FAR2: variants seen among roughly 807,000 people sequenced by gnomAD.
FAR2 encodes the protein epididymis secretory protein Li 81.
In FAR2, 19 loss-of-function variants were observed where a neutral mutation model predicts 56.0. The ratio of observed to expected loss-of-function variants is 0.34; its 90% confidence interval spans 0.24 to 0.50. The LOEUF (loss-of-function observed/expected upper bound fraction) is 0.50. Among genes scored for constraint, FAR2 ranks in the 20% least tolerant of loss-of-function variants. FAR2 has a pLI of 0.98. For synonymous variants in FAR2, 219 were observed against 218.8 expected (o/e 1.00, Z -0.01); for missense variants, 508 against 642.2 (o/e 0.79, Z 2.26).
chr12:29,177,487 T>A (rs2136593922), intron 1 of FAR2, among the ~76,000 whole-genome samples: 1 of 152,294 alleles, frequency 6.6e-6, no homozygotes, highest in South Asian at 2.1e-4. Flanking sequence ...GTGGCAGAAA[T>A]TTCAACTAAA....
intron 2 of FAR2, chr12:29,281,198 C>G (rs577536630): frequency 2.0e-5 from 3 of 152,148 alleles, no homozygotes; most frequent in Non-Finnish European, 2.9e-5. Context: ...TGTTCTATCT[C>G]TTGTCATTGT....
chr12:29,162,274 A>G (rs1031479536), intron 1 of FAR2, among the ~76,000 whole-genome samples: 2 of 152,252 alleles, frequency 1.3e-5, no homozygotes, highest in South Asian at 4.1e-4. Context: ...TGTGAGAAAT[A>G]AAATACATGT....
intron 1 of FAR2, among the ~76,000 whole-genome samples, chr12:29,169,583 G>A (rs1405929480): frequency 6.6e-6 from 1 of 152,164 alleles, no homozygotes; most frequent in Admixed American, 6.5e-5. Context: ...TAAATGCCGG[G>A]CAGCGTTTCC....
chr12:29,303,576 G>C (rs1052351719), intron 4 of FAR2, among the ~76,000 whole-genome samples: 1 of 152,158 alleles, frequency 6.6e-6, no homozygotes, highest in Non-Finnish European at 1.5e-5. Context: ...AGAGGCAGGG[G>C]AATGGAGGCC....
intron 1 of FAR2, among the ~76,000 whole-genome samples, chr12:29,221,350 G>A (rs1481596426): frequency 2.6e-5 from 4 of 152,070 alleles, no homozygotes; most frequent in Non-Finnish European, 5.9e-5. Context: ...GACATTCCTG[G>A]TCGGGGCGGG....
At chr12:29,186,849 C>T (rs563040681) in intron 1 of FAR2, among the ~76,000 whole-genome samples, 4 of 151,954 alleles carry the variant, frequency 2.6e-5, no homozygotes, top group Non-Finnish European at 4.4e-5. Flanking sequence ...AGTGCAGTGG[C>T]GCAATCTCGG....
chr12:29,237,131 G>C (rs1013671547), intron 1 of FAR2, among the ~76,000 whole-genome samples: 1 of 151,966 alleles, frequency 6.6e-6, no homozygotes, highest in African/African-American at 2.4e-5. Flanking sequence ...AAACTGAAAC[G>C]CATTGTTAGA....
chr12:29,202,028 AT>A (rs949094335), intron 1 of FAR2, among the ~76,000 whole-genome samples: 2 of 152,138 alleles, frequency 1.3e-5, no homozygotes, highest in African/African-American at 4.8e-5. Context: ...CACATAGAGG[AT>A]TTTTTTGTGT....
chr12:29,222,623 A>G (rs911753794), intron 1 of FAR2, among the ~76,000 whole-genome samples: 4 of 152,168 alleles, frequency 2.6e-5, no homozygotes, highest in African/African-American at 4.8e-5. Flanking sequence ...ATATCACTCT[A>G]GATATCAAGA....
Position 29,173,566 on chromosome 12 carries a change from C to T in FAR2, c.-39+24159C>T, listed in dbSNP as rs537054783. 9.2e-3 allele frequency among the ~76,000 whole-genome samples: 1,401 copies of T among 152,172 alleles called. 5 individuals carry two copies. Among genetic ancestry groups the T allele is most frequent in the Middle Eastern group, 0.041 (12 of 292 alleles). ...ATACTTCCCTCAGGTGACCATTTTT[C>T]TCCATCAGAGAGAGAATACTGGGGC... On this transcript the variant is annotated intron_variant, in intron 1 of 11. Transcript: ENST00000536681.
chr12:29,254,642 A>C (rs1384298489), intron 1 of FAR2, among the ~76,000 whole-genome samples: 1 of 152,150 alleles, frequency 6.6e-6, no homozygotes, highest in Non-Finnish European at 1.5e-5. Context: ...AAACAGCTAC[A>C]TTTGCTTCAT....
At chr12:29,195,019 CT>C (rs972523883) in intron 1 of FAR2, among the ~76,000 whole-genome samples, 5 of 152,148 alleles carry the variant, frequency 3.3e-5, no homozygotes, top group African/African-American at 4.8e-5. Context: ...CAATGTAAGC[CT>C]TTTTGGATTC....
chr12:29,270,381 G>A (rs1256496846), intron 1 of FAR2, 31 bp from the exon 2 acceptor site: 3 of 1,423,732 alleles, frequency 2.1e-6, no homozygotes, highest in Middle Eastern at 1.9e-4. Context: ...TTCTGAAGAT[G>A]TAATCTTTTG....
intron 8 of FAR2, among the ~76,000 whole-genome samples, chr12:29,316,023 CTCT>C (rs1949443902): frequency 6.6e-6 from 1 of 151,978 alleles, no homozygotes; most frequent in South Asian, 2.1e-4. Flanking sequence ...ATTCTTGAGA[CTCT>C]TCTTTGTATA....
At chr12:29,187,922 G>A (rs1007324440) in intron 1 of FAR2, among the ~76,000 whole-genome samples, 3 of 152,114 alleles carry the variant, frequency 2.0e-5, no homozygotes, top group African/African-American at 7.2e-5. Context: ...GTTTCATTTC[G>A]TAAAACTACA....
chr12:29,281,041 T>A (rs1028404068), intron 2 of FAR2: 1 of 152,156 alleles, frequency 6.6e-6, no homozygotes, highest in Admixed American at 6.5e-5. Context: ...TACCCCAGGG[T>A]CTCATACCAT....
At chr12:29,255,927 T>C (rs1948309859) in intron 1 of FAR2, among the ~76,000 whole-genome samples, 1 of 152,194 alleles carries the variant, frequency 6.6e-6, no homozygotes, top group Non-Finnish European at 1.5e-5. Flanking sequence ...TTGAGTGCGG[T>C]GGCACAGTCT....
chr12:29,199,882 G>C (rs1175586293), intron 1 of FAR2, among the ~76,000 whole-genome samples: 1 of 152,116 alleles, frequency 6.6e-6, no homozygotes, highest in South Asian at 2.1e-4. Context: ...GCATTAATCA[G>C]GATTAGAGAT....
chr12:29,227,984 G>A (rs1035401651), intron 1 of FAR2, among the ~76,000 whole-genome samples: 1 of 152,058 alleles, frequency 6.6e-6, no homozygotes, highest in Admixed American at 6.6e-5. Flanking sequence ...CCTATCGTGG[G>A]GTGGGGGTAG....
Sources: allele counts gnomAD v4.1 joint callset (sites outside exome capture counted in the v4.1 genomes callset), GRCh38; gene constraint gnomAD v4.1.1; transcripts MANE v1.5; gene names NCBI Gene and HGNC (gene_info 2026-07-23, HGNC 2026-07-21).